The following RSF1 variants were observed in gnomAD, a reference collection of about 807,000 sequenced individuals.
RSF1 encodes remodeling and spacing factor 1, also known as HBV pX-associated protein 8.
Under a neutral mutation model 145.2 loss-of-function variants are expected in RSF1, and 13 were observed. The ratio of observed to expected loss-of-function variants is 0.09; its 90% CI spans 0.06 to 0.14. RSF1 has a LOEUF of 0.14. Among genes scored for constraint, RSF1 ranks in the 10% least tolerant of loss-of-function variants. The pLI is 1.00. For missense variants in RSF1, 1,517 were observed against 1,718.2 expected, an observed-to-expected ratio of 0.88 and a Z score of 2.07; for synonymous variants, 577 against 592.6, an observed-to-expected ratio of 0.97 and a Z score of 0.38.
the RSF1 span, among the ~76,000 whole-genome samples, chr11:77,857,977 A>C: frequency 6.6e-6 from 1 of 152,222 alleles, no homozygotes; most frequent in South Asian, 2.1e-4. Flanking sequence ...TACAGGCGTG[A>C]GCCAACGTGC....
chr11:77,784,570 G>A (rs1385935242), intron 1 of RSF1, among the ~76,000 whole-genome samples: 1 of 152,042 alleles, frequency 6.6e-6, no homozygotes, highest in African/African-American at 2.4e-5. Context: ...TTGGATGTTG[G>A]AAAATATCAA....
intron 3 of RSF1, among the ~76,000 whole-genome samples, chr11:77,746,793 T>C (rs1364203908): frequency 6.6e-6 from 1 of 152,156 alleles, no homozygotes; most frequent in African/African-American, 2.4e-5. Flanking sequence ...TGAATAAAAC[T>C]AATTTGGAGC....
At chr11:77,706,958 C>T (rs891894991) in intron 5 of RSF1, among the ~76,000 whole-genome samples, 8 of 152,060 alleles carry the variant, frequency 5.3e-5, no homozygotes, top group South Asian at 2.1e-4. Context: ...TCAATGTTTG[C>T]CAATATTATT....
chr11:77,845,787 G>T, the RSF1 span, among the ~76,000 whole-genome samples: 761 of 152,036 alleles, frequency 5.0e-3, 8 homozygotes, highest in African/African-American at 0.018. Context: ...TTTTTTATTT[G>T]GTAAGATATT....
the RSF1 span, among the ~76,000 whole-genome samples, chr11:77,837,198 C>T: frequency 1.3e-5 from 2 of 151,768 alleles, no homozygotes; most frequent in South Asian, 2.1e-4. Flanking sequence ...TGCAGTGGCA[C>T]GATCTCAGCT....
chr11:77,775,766 C>CTTTG (rs897375331), intron 1 of RSF1, among the ~76,000 whole-genome samples: 14 of 152,078 alleles, frequency 9.2e-5, no homozygotes, highest in Admixed American at 3.9e-4. Flanking sequence ...GACCCTGTTT[C>CTTTG]TTTGTTTGTT....
In RSF1 at chr11:77,691,172, G is replaced by T; in HGVS notation, c.2887C>A (p.Arg963Ser). Residue 963 changes from arginine (R) to serine (S), a missense_variant, in exon 9 of 16, where the codon CGT (arginine) becomes AGT (serine). Arg to Ser is a moderately radical substitution (Grantham distance 110). Transcript: ENST00000308488. Reference protein sequence around the residue: ...DLDVALKKKERAERRKERLVY... With the variant: ...DLDVALKKKESAERRKERLVY... ...ATATAAAAATACCTTCGTTCGGCAC[G>T]CTCTTTCTTCTTTAAGGCAACATCC... The T allele has an allele frequency of 6.2e-7, 1 of 1,613,896 alleles. No individual in the cohort carries two copies. Among genetic ancestry groups the T allele is most frequent in the Non-Finnish European group, 8.5e-7 (1 of 1,179,838 alleles).
At chr11:77,693,235 A>G (rs1266093125) in intron 8 of RSF1, among the ~76,000 whole-genome samples, 1 of 152,234 alleles carries the variant, frequency 6.6e-6, no homozygotes, top group Non-Finnish European at 1.5e-5. Flanking sequence ...CCTTCTACAT[A>G]TCTACACTTG....
chr11:77,691,083 GATCCATTT>G, intron 9 of RSF1, 68 bp downstream of exon 9: 1 of 1,387,548 alleles, frequency 7.2e-7, no homozygotes, highest in Non-Finnish European at 1.0e-6. Flanking sequence ...GTTTTAGATG[GATCCATTT>G]ATCCATACAG....
At chr11:77,797,127 G>A (rs936098239) in intron 1 of RSF1, among the ~76,000 whole-genome samples, 6 of 152,102 alleles carry the variant, frequency 3.9e-5, no homozygotes, top group East Asian at 1.9e-4. Flanking sequence ...TCAAGCTACC[G>A]CTGACTTTCT....
the RSF1 span, chr11:77,851,482 T>C: frequency 3.9e-5 from 6 of 152,248 alleles, no homozygotes; most frequent in African/African-American, 9.6e-5. Flanking sequence ...AAGCTGGTTG[T>C]TGTGGAAGGC....
chr11:77,692,640 A>C (rs902310913), intron 8 of RSF1, among the ~76,000 whole-genome samples: 1 of 150,932 alleles, frequency 6.6e-6, no homozygotes, highest in African/African-American at 2.4e-5. Context: ...CAGCCTCCCA[A>C]GGAGCTGGGA....
Position 77,675,151 on chromosome 11 carries a change from C to T in RSF1, c.3447G>A (p.Arg1149=). The T allele has an allele frequency of 6.2e-7, 1 of 1,614,142 alleles. No individual in the cohort carries two copies. The highest frequency in any genetic ancestry group is 8.5e-7 in the Non-Finnish European group (1 of 1,180,024). ...SDTDFCSRRL[R]RHPSRPMRQS... Reference sequence around the variant, plus strand: ...GCCTCATTGGCCGAGAGGGGTGTCGCCTCAGTCTACGGCTACAAAAGTCAG... The same window carrying T: ...GCCTCATTGGCCGAGAGGGGTGTCGTCTCAGTCTACGGCTACAAAAGTCAG... Residue 1149 remains arginine, a synonymous_variant, in exon 14 of 16, where the codon AGG becomes AGA. Transcript: ENST00000308488.
At chr11:77,741,590 A>T (rs1947939660) in intron 3 of RSF1, among the ~76,000 whole-genome samples, 1 of 152,140 alleles carries the variant, frequency 6.6e-6, no homozygotes, top group South Asian at 2.1e-4. Context: ...AATGACAAAT[A>T]AAAATTGCAT....
chr11:77,760,991 G>C (rs1410709866), intron 2 of RSF1, among the ~76,000 whole-genome samples: 2 of 151,602 alleles, frequency 1.3e-5, no homozygotes, highest in East Asian at 3.9e-4. Flanking sequence ...GGCTCACCGC[G>C]ATCTCGGCTC....
chr11:77,759,447 C>G (rs1025951893), intron 2 of RSF1, among the ~76,000 whole-genome samples: 1 of 152,194 alleles, frequency 6.6e-6, no homozygotes, highest in Admixed American at 6.5e-5. Context: ...TTTGGGAGGC[C>G]AAGGCGGGCA....
At chr11:77,846,265 CCTTT>C in the RSF1 span, among the ~76,000 whole-genome samples, 1 of 152,094 alleles carries the variant, frequency 6.6e-6, no homozygotes, top group Non-Finnish European at 1.5e-5. Context: ...CTACCAGTTG[CCTTT>C]CTTATTATTC....
At chr11:77,864,796 T>C in the RSF1 span, among the ~76,000 whole-genome samples, 7 of 151,912 alleles carry the variant, frequency 4.6e-5, no homozygotes, top group South Asian at 4.2e-4. Flanking sequence ...CTGGGAAATA[T>C]AGAGAGACCT....
chr11:77,839,935 AATGAACGTGC>A, the RSF1 span, among the ~76,000 whole-genome samples: 1 of 152,172 alleles, frequency 6.6e-6, no homozygotes, highest in Non-Finnish European at 1.5e-5. Flanking sequence ...GTACCTATGT[AATGAACGTGC>A]ATGTCTTACA....
Sources: allele counts gnomAD v4.1 joint callset (sites outside exome capture counted in the v4.1 genomes callset), GRCh38; gene constraint gnomAD v4.1.1; transcripts MANE v1.5; gene names NCBI Gene and HGNC (gene_info 2026-07-23, HGNC 2026-07-21).